Variants in SCML4 observed in about 807,000 individuals in gnomAD.
SCML4 encodes sex comb on midleg-like protein 4.
In SCML4, 34 loss-of-function variants were observed where a neutral mutation model predicts 41.1. That is an observed-to-expected ratio of 0.83 (90% confidence interval 0.63 to 1.10). SCML4 has a LOEUF of 1.10. Among genes scored for constraint, SCML4 ranks in the 50% least tolerant of loss-of-function variants. The pLI, the probability that SCML4 is intolerant of heterozygous loss-of-function variation, is 0.00. For missense variants in SCML4, 522 were observed against 534.1 expected (o/e 0.98, Z 0.22); for synonymous variants, 214 against 220.9 (o/e 0.97, Z 0.28).
intron 2 of SCML4, among the ~76,000 whole-genome samples, chr6:107,750,309 C>G (rs1562217046): frequency 6.6e-6 from 1 of 152,228 alleles, no homozygotes; most frequent in South Asian, 2.1e-4. Flanking sequence ...TGACATACCA[C>G]TGTGTTTATT....
intron 6 of SCML4, among the ~76,000 whole-genome samples, chr6:107,714,776 G>A (rs527536799): frequency 2.0e-5 from 3 of 152,134 alleles, no homozygotes; most frequent in Middle Eastern, 3.4e-3. Flanking sequence ...TACTCATTAG[G>A]TAGTTGCTGT....
intron 5 of SCML4, among the ~76,000 whole-genome samples, chr6:107,731,068 G>A (rs183620131): frequency 1.3e-5 from 2 of 152,274 alleles, no homozygotes; most frequent in East Asian, 1.9e-4. Context: ...TCAGGTGTGA[G>A]CCCCTGAAAT....
rs191923540 is a variant in SCML4, at chr6:107,814,330, A to C, written c.-60+9796T>G. 1.8e-4 allele frequency among the ~76,000 whole-genome samples: 28 copies of C among 152,342 alleles called. No homozygotes were observed. In the East Asian group the frequency reaches 5.4e-3, roughly 29 times the overall value. On this transcript the variant is annotated intron_variant, in intron 1 of 7. Coordinates refer to ENST00000369020, the MANE Select transcript of SCML4 (RefSeq NM_198081.5). The stretch of plus-strand genomic sequence containing the variant: ...AAAAAGGTGTGAGTTTTAGAGTCAG[A>C]CACACCTGAATTTGAGACCCAGTTA...
At chr6:107,785,853 T>C (rs1189547286) in intron 1 of SCML4, among the ~76,000 whole-genome samples, 2 of 152,156 alleles carry the variant, frequency 1.3e-5, no homozygotes, top group South Asian at 2.1e-4. Context: ...GCTGAGGTTT[T>C]CCAGGGCCAC....
intron 1 of SCML4, among the ~76,000 whole-genome samples, 156 bp downstream of exon 1, chr6:107,823,970 T>C (rs1013017962): frequency 3.3e-5 from 5 of 152,240 alleles, no homozygotes; most frequent in Admixed American, 6.5e-5. Flanking sequence ...GTTTACCTAC[T>C]GGACTCAGTG....
intron 1 of SCML4, among the ~76,000 whole-genome samples, chr6:107,802,019 C>A (rs1397005968): frequency 1.3e-5 from 2 of 152,112 alleles, no homozygotes; most frequent in Non-Finnish European, 2.9e-5. Flanking sequence ...GATCTGCCCG[C>A]CTCTGTCTCC....
At chr6:107,753,144 C>A (rs1239935478) in intron 2 of SCML4, among the ~76,000 whole-genome samples, 3 of 151,932 alleles carry the variant, frequency 2.0e-5, no homozygotes, top group African/African-American at 7.3e-5. Flanking sequence ...AAATACAAAA[C>A]AAAAAATAAC....
intron 4 of SCML4, chr6:107,746,484 A>AT (rs1778102535): frequency 2.0e-6 from 1 of 489,628 alleles, no homozygotes; most frequent in African/African-American, 2.0e-5. Context: ...AGGATCAGAA[A>AT]TCCAGTCTTC....
chr6:107,779,906 C>A (rs1027987155), intron 1 of SCML4, among the ~76,000 whole-genome samples: 1 of 152,208 alleles, frequency 6.6e-6, no homozygotes, highest in Non-Finnish European at 1.5e-5. Context: ...CCTTTACCAC[C>A]CATTGTGTGC....
intron 1 of SCML4, among the ~76,000 whole-genome samples, chr6:107,788,758 T>C (rs577476332): frequency 6.6e-6 from 1 of 152,304 alleles, no homozygotes; most frequent in East Asian, 1.9e-4. Context: ...GTCGCCATCA[T>C]TGTATGTACA....
At chr6:107,791,555 T>A (rs1173712788) in intron 1 of SCML4, among the ~76,000 whole-genome samples, 1 of 152,204 alleles carries the variant, frequency 6.6e-6, no homozygotes, top group Non-Finnish European at 1.5e-5. Context: ...ATGTGAATAA[T>A]CAGAGAACTG....
chr6:107,753,752 A>G (rs1778882896), intron 2 of SCML4, among the ~76,000 whole-genome samples: 1 of 152,208 alleles, frequency 6.6e-6, no homozygotes, highest in Non-Finnish European at 1.5e-5. Flanking sequence ...AGAAAAATTG[A>G]TTGTACAGAA....
At chr6:107,711,856 C>T (rs1197740920) in intron 6 of SCML4, among the ~76,000 whole-genome samples, 3 of 152,174 alleles carry the variant, frequency 2.0e-5, no homozygotes, top group African/African-American at 7.2e-5. Context: ...CTCCTTCCTC[C>T]TTTTAATGTG....
intron 1 of SCML4, among the ~76,000 whole-genome samples, chr6:107,817,627 AAAAAAAAAG>A (rs1443194566): frequency 6.4e-5 from 9 of 140,216 alleles, no homozygotes; most frequent in South Asian, 2.3e-4. Flanking sequence ...TCTCAAAAAA[AAAAAAAAAG>A]AAAAAAAAAA....
rs780993385 is a variant in SCML4 at position 107,749,781 on chromosome 6, G to A, written c.189C>T (p.Ala63=). The A allele has an allele frequency of 1.2e-5, 20 of 1,614,044 alleles. No homozygotes were observed. Among genetic ancestry groups the A allele is most frequent in the South Asian group, 2.2e-5 (2 of 91,078 alleles). ...CTGGGGTACTCCGCGGAGGTGAGAG[G>A]GCTAAGGGAGTCATGAGAACCCGAG... The part of the protein sequence containing the change: ...IKSRVLMTPL[A]LSPPRSTPEP... Residue 63 remains alanine, a synonymous_variant, in exon 3 of 8, where the codon GCC becomes GCT. Transcript: ENST00000369020.
intron 5 of SCML4, among the ~76,000 whole-genome samples, chr6:107,727,307 A>G (rs1776084157): frequency 6.6e-6 from 1 of 152,240 alleles, no homozygotes; most frequent in Non-Finnish European, 1.5e-5. Flanking sequence ...CTTTGAGGTG[A>G]TGAAAGTATT....
chr6:107,844,389 A>AAGAAGTCAATGATTC, the SCML4 span, among the ~76,000 whole-genome samples: 1 of 152,256 alleles, frequency 6.6e-6, no homozygotes, highest in African/African-American at 2.4e-5. Flanking sequence ...ACAATGTATC[A>AAGAAGTCAATGATTC]AGAAGTCAAT....
chr6:107,706,085 A>T (rs1773596592), intron 7 of SCML4, among the ~76,000 whole-genome samples: 1 of 152,154 alleles, frequency 6.6e-6, no homozygotes, highest in African/African-American at 2.4e-5. Context: ...GGGAGAAAAG[A>T]CATAGTTACA....
At chr6:107,739,395 C>T (rs1266579070) in intron 5 of SCML4, among the ~76,000 whole-genome samples, 2 of 151,926 alleles carry the variant, frequency 1.3e-5, no homozygotes, top group African/African-American at 2.4e-5. Context: ...CAAAAACATC[C>T]CAGTTCTTTC....
Sources: gnomAD v4.1 joint callset for allele counts (sites outside exome capture counted in the v4.1 genomes callset) on GRCh38, gnomAD v4.1.1 for gene constraint, MANE v1.5 for transcripts, NCBI Gene and HGNC (gene_info 2026-07-23, HGNC 2026-07-21) for gene names.